Variants in COL5A1 observed in about 807,000 individuals in gnomAD.
The protein encoded by COL5A1 is collagen alpha-1(V) chain.
In COL5A1, 16 loss-of-function variants were observed where a neutral mutation model predicts 263.7. That is an observed-to-expected ratio of 0.06 (90% CI 0.04 to 0.09). COL5A1 has a LOEUF of 0.09. COL5A1 is among the 10% of genes least tolerant of loss of function. The pLI, the probability that COL5A1 is intolerant of heterozygous loss-of-function variation, is 1.00. For synonymous variants in COL5A1, 1,012 were observed against 1,004.5 expected (o/e 1.01, Z -0.14); for missense variants, 2,036 against 2,540.5 (o/e 0.80, Z 4.27).
chr9:134,753,943 C>T (rs1163068159), intron 15 of COL5A1, 40 bp downstream of exon 15: 2 of 1,577,342 alleles, frequency 1.3e-6, no homozygotes, highest in South Asian at 1.1e-5. Flanking sequence ...GTGGGCGCCT[C>T]CCGTTCTCCG....
chr9:134,689,570 G>A (rs146759479), intron 1 of COL5A1, among the ~76,000 whole-genome samples: 1 of 152,228 alleles, frequency 6.6e-6, no homozygotes, highest in Non-Finnish European at 1.5e-5. Context: ...CACCTGCTCA[G>A]GAGACAGTTG....
At chr9:134,817,144 C>T (rs1250211001) in intron 53 of COL5A1, 65 bp downstream of exon 53, 78 of 1,466,396 alleles carry the variant, frequency 5.3e-5, no homozygotes, top group Middle Eastern at 2.0e-4. Context: ...CGCCCCTCCC[C>T]GTCACCTTTG....
chr9:134,661,900 G>A (rs1832217364), intron 1 of COL5A1, among the ~76,000 whole-genome samples: 1 of 152,100 alleles, frequency 6.6e-6, no homozygotes, highest in Non-Finnish European at 1.5e-5. Context: ...TCTCTAGGAT[G>A]CTAAGGCGAG....
At position 134,765,359 on chromosome 9, in the gene COL5A1, G is replaced by A. The variant is rs1362256822; in HGVS notation, c.2035-322G>A. On this transcript the variant is annotated intron_variant, in intron 20 of 65. Coordinates refer to ENST00000371817, the MANE Select transcript of COL5A1 (RefSeq NM_000093.5). This position sits in a 1 kb window ranked among gnomAD's most constrained non-coding sequence, Gnocchi z 5.1. ...TATAGCGTGGTGATTCTCTGGGGGA[G>A]CGTCTGCTCACCTGCCCCAGCAAGT... Among the ~76,000 whole-genome samples, 3 of 140,028 alleles carry A rather than the reference G, an allele frequency of 2.1e-5. No individual in the cohort carries two copies. The highest frequency in any genetic ancestry group is 3.3e-5 in the Non-Finnish European group (2 of 60,124). The allele number at this position is 140,028 out of a possible 152,430, so 91.9% of individuals were successfully genotyped here.
intron 2 of COL5A1, among the ~76,000 whole-genome samples, chr9:134,695,255 CT>C (rs1833417755): frequency 6.6e-6 from 1 of 152,352 alleles, no homozygotes; most frequent in South Asian, 2.1e-4. Context: ...CCACACCCCC[CT>C]GCCCCTTGGC....
chr9:134,652,741 G>A lies in COL5A1; in HGVS notation c.109+10445G>A, dbSNP rs1441957991. 6.4e-6 allele frequency: 3 copies of A among 470,754 alleles called. No individual in the cohort carries two copies. Among genetic ancestry groups the A allele is most frequent in the Non-Finnish European group, 1.3e-5 (3 of 226,934 alleles). 29.2% of individuals were successfully genotyped at this position (470,754 alleles called of 1,614,324 possible). ...CTTCTCATGGCTCATTGTCAGACAG[G>A]AGGGAGGGCCTCTTCTTAGGCCGGG... On this transcript the variant is annotated intron_variant, in intron 1 of 65. Coordinates refer to ENST00000371817, the MANE Select transcript of COL5A1 (RefSeq NM_000093.5). This position sits in a 1 kb window ranked among gnomAD's most constrained non-coding sequence, Gnocchi z 4.4.
chr9:134,645,167 G>A (rs946298323), intron 1 of COL5A1, among the ~76,000 whole-genome samples: 2 of 152,230 alleles, frequency 1.3e-5, no homozygotes, highest in African/African-American at 4.8e-5. Context: ...GGCTCACAGT[G>A]GTTTCTCCAG....
At chr9:134,707,981 C>T (rs935985726) in intron 4 of COL5A1, among the ~76,000 whole-genome samples, 12 of 152,174 alleles carry the variant, frequency 7.9e-5, no homozygotes, top group African/African-American at 2.7e-4. Context: ...TCCTCCTGGT[C>T]GGGGGAGGGC....
intron 1 of COL5A1, among the ~76,000 whole-genome samples, chr9:134,669,235 TCCTTCCCTTCCCTTCCCTTCCCTTC>T (rs1217326937): frequency 9.9e-5 from 2 of 20,158 alleles, no homozygotes; most frequent in Admixed American, 6.3e-4. Context: ...CCCTTCCCTT[TCCTTCCCTTCCCTTCCCTTCCCTTC>T]CCTTCCCTTC....
Position 134,789,667 on chromosome 9 carries a change from G to A in COL5A1, c.2700+459G>A, listed in dbSNP as rs1021039385. Among the ~76,000 whole-genome samples the A allele has an allele frequency of 6.6e-6, 1 of 152,210 alleles. No homozygotes were observed. Among genetic ancestry groups the A allele is most frequent in the Non-Finnish European group, 1.5e-5 (1 of 68,046 alleles). The stretch of plus-strand genomic sequence containing the variant: ...ACATTAACTTGGACGGGATTAGCAA[G>A]CTGCCATTGTCATAAACACCCACCA... On this transcript the variant is annotated intron_variant, in intron 32 of 65. Transcript: ENST00000371817. The surrounding 1 kb of genome is among the most constrained non-coding windows in gnomAD (Gnocchi z 4.8).
chr9:134,674,442 A>C (rs1832631415), intron 1 of COL5A1, among the ~76,000 whole-genome samples: 1 of 152,206 alleles, frequency 6.6e-6, no homozygotes, highest in African/African-American at 2.4e-5. Context: ...CTGCAGGGAC[A>C]GAAAAAAGAT....
intron 1 of COL5A1, among the ~76,000 whole-genome samples, chr9:134,650,410 C>T (rs1030832346): frequency 1.3e-5 from 2 of 152,202 alleles, no homozygotes; most frequent in Admixed American, 6.5e-5. Flanking sequence ...TATGCAAAGA[C>T]ATTGGGTGTG....
intron 20 of COL5A1, among the ~76,000 whole-genome samples, chr9:134,764,517 A>G (rs570962597): frequency 2.2e-4 from 34 of 152,208 alleles, no homozygotes; most frequent in African/African-American, 8.2e-4. Flanking sequence ...AGCCCTGGGC[A>G]TGGGAAAGCT....
intron 1 of COL5A1, among the ~76,000 whole-genome samples, chr9:134,657,748 G>A (rs916149643): frequency 6.6e-6 from 1 of 151,092 alleles, no homozygotes; most frequent in African/African-American, 2.4e-5. Flanking sequence ...GGGGGTGCCA[G>A]GCCTGACGGG....
chr9:134,817,789 C>T lies in COL5A1; in HGVS notation c.4188C>T (p.Gly1396=), dbSNP rs145363211. The T allele has an allele frequency of 1.6e-5, 25 of 1,611,926 alleles. No individual in the cohort carries two copies. In the African/African-American group the frequency reaches 2.4e-4, roughly 15 times the overall value. ...CTTGCTTCTTTCAGGGTCCCCCAGG[C>T]CCCGCAGGCCCCGAAGGCAGACAGG... is the stretch of plus-strand genomic sequence containing the variant. ...SGPPGKRGPP[G]PAGPEGRQGE... is the part of the protein sequence containing the mutation. Residue 1396 remains glycine (G), a synonymous_variant, in exon 54 of 66, where the codon GGC becomes GGT. Coordinates refer to ENST00000371817, the MANE Select transcript of COL5A1 (RefSeq NM_000093.5).
In COL5A1 at chr9:134,835,145, G is replaced by A. The variant is rs1005244744; in HGVS notation, c.5311G>A (p.Asp1771Asn). The change falls in exon 65 of 66, where the codon GAC becomes AAC. Residue 1771 changes from aspartate to asparagine, a missense_variant. Transcript: ENST00000371817. ...GGCCCTCCGCTTCCTGGGCTCCAAC[G>A]ACGAGGAGATGTCCTATGACAACAA... ...DKALRFLGSN[D>N]EEMSYDNNPY... 32 of 1,613,752 alleles carry A rather than the reference G, an allele frequency of 2.0e-5. No homozygotes were observed. Among genetic ancestry groups the A allele is most frequent in the African/African-American group, 6.7e-5 (5 of 74,952 alleles).
chr9:134,768,522 G>A, intron 25 of COL5A1, 59 bp downstream of exon 25: 1 of 1,536,084 alleles, frequency 6.5e-7, no homozygotes, highest in East Asian at 2.3e-5. Context: ...CCTGCGGATA[G>A]GGCTGCAGGC....
At chr9:134,669,515 G>C (rs1187739220) in intron 1 of COL5A1, among the ~76,000 whole-genome samples, 1 of 151,878 alleles carries the variant, frequency 6.6e-6, no homozygotes, top group Non-Finnish European at 1.5e-5. Flanking sequence ...GACTTCCACT[G>C]TCTACACTAG....
intron 11 of COL5A1, among the ~76,000 whole-genome samples, chr9:134,747,694 C>T (rs1311858680): frequency 1.3e-5 from 2 of 151,638 alleles, no homozygotes; most frequent in Non-Finnish European, 2.9e-5. Flanking sequence ...CATGCAAACA[C>T]ATGCACACAT....
Sources: gnomAD v4.1 joint callset for allele counts (sites outside exome capture counted in the v4.1 genomes callset) on GRCh38, gnomAD v4.1.1 for gene constraint, Gnocchi (gnomAD v3.1) non-coding constraint, MANE v1.5 for transcripts, NCBI Gene and HGNC (gene_info 2026-07-23, HGNC 2026-07-21) for gene names.